Variants in TMEM132D observed in about 807,000 individuals in gnomAD.
TMEM132D encodes transmembrane protein 132D, also known as mature OL transmembrane protein.
Under a neutral mutation model 62.3 loss-of-function variants are expected in TMEM132D, and 21 were observed. That is an observed-to-expected ratio of 0.34 (90% confidence interval 0.24 to 0.49). TMEM132D has a LOEUF of 0.49. Ranked by LOEUF, TMEM132D falls within the 20% of genes least tolerant of loss-of-function variation. TMEM132D has a pLI of 0.99. For synonymous variants in TMEM132D, 621 were observed against 575.6 expected, an observed-to-expected ratio of 1.08 and a Z score of -1.13; for missense variants, 1,346 against 1,402.8, an observed-to-expected ratio of 0.96 and a Z score of 0.65.
intron 3 of TMEM132D, among the ~76,000 whole-genome samples, chr12:129,498,496 C>T (rs1255859060): frequency 6.6e-6 from 1 of 152,136 alleles, no homozygotes; most frequent in Non-Finnish European, 1.5e-5. Flanking sequence ...TCAAGTGATC[C>T]ACCCGCCTCA....
At chr12:129,241,094 A>T (rs1879924566) in intron 4 of TMEM132D, among the ~76,000 whole-genome samples, 1 of 146,416 alleles carries the variant, frequency 6.8e-6, no homozygotes, top group East Asian at 2.1e-4. Flanking sequence ...ATTCAATAAT[A>T]TGTTATTTAT....
At chr12:129,338,504 A>G (rs1436452693) in intron 3 of TMEM132D, among the ~76,000 whole-genome samples, 1 of 152,148 alleles carries the variant, frequency 6.6e-6, no homozygotes, top group Non-Finnish European at 1.5e-5. Flanking sequence ...TATTTAAGTA[A>G]TTAATTAGCT....
At chr12:129,816,319 C>T (rs1382156201) in intron 1 of TMEM132D, among the ~76,000 whole-genome samples, 1 of 152,138 alleles carries the variant, frequency 6.6e-6, no homozygotes, top group Non-Finnish European at 1.5e-5. Context: ...GTTAAAAGAG[C>T]TGTCATTTAT....
chr12:129,582,905 A>G (rs1877915580), intron 2 of TMEM132D, among the ~76,000 whole-genome samples: 2 of 150,762 alleles, frequency 1.3e-5, no homozygotes, highest in Non-Finnish European at 3.0e-5. Flanking sequence ...GATTATAGGC[A>G]TTAGCCACCA....
At chr12:129,853,543 AT>A (rs1288516604) in intron 1 of TMEM132D, 1 of 152,150 alleles carries the variant, frequency 6.6e-6, no homozygotes, top group Non-Finnish European at 1.5e-5. Flanking sequence ...ATAAACTAAA[AT>A]CATGTGAACC....
intron 3 of TMEM132D, among the ~76,000 whole-genome samples, chr12:129,495,688 G>T (rs557379279): frequency 5.3e-4 from 81 of 152,242 alleles, no homozygotes; most frequent in African/African-American, 1.9e-3. Flanking sequence ...GTGAGCAATG[G>T]GTATGTCACA....
At chr12:129,616,665 C>T (rs1878924669) in intron 2 of TMEM132D, among the ~76,000 whole-genome samples, 1 of 152,206 alleles carries the variant, frequency 6.6e-6, no homozygotes, top group African/African-American at 2.4e-5. Context: ...CTTCTCCTTG[C>T]TGCCGCCATG....
intron 6 of TMEM132D, among the ~76,000 whole-genome samples, chr12:129,083,314 C>T (rs144872393): frequency 7.5e-4 from 115 of 152,336 alleles, no homozygotes; most frequent in African/African-American, 2.5e-3. Context: ...GGCACCTTCT[C>T]GGTCTCCATC....
chr12:129,524,299 T>C (rs1875945904), intron 3 of TMEM132D, among the ~76,000 whole-genome samples: 1 of 152,182 alleles, frequency 6.6e-6, no homozygotes, highest in South Asian at 2.1e-4. Flanking sequence ...ATGCCATCTA[T>C]ACCTGTATTA....
intron 1 of TMEM132D, among the ~76,000 whole-genome samples, chr12:129,708,719 C>T (rs1267816654): frequency 6.6e-6 from 1 of 151,298 alleles, no homozygotes; most frequent in Non-Finnish European, 1.5e-5. Flanking sequence ...TAGTGTTAGT[C>T]CCCAATATTC....
Position 129,788,082 on chromosome 12 carries a change from C to T in TMEM132D, c.80-87384G>A, listed in dbSNP as rs181979264. ...AGGGATGTACACAAGCTTGAATATG[C>T]GGGAAACCAAGGCACTGAAATGGTG... On this transcript the variant is annotated intron_variant, in intron 1 of 8. Transcript: ENST00000422113. Among the ~76,000 whole-genome samples, 575 of 152,320 alleles carry T rather than the reference C, an allele frequency of 3.8e-3. 1 individual carries two copies. The highest frequency in any genetic ancestry group is 0.013 in the African/African-American group (555 of 41,564).
chr12:129,695,280 C>G (rs1593123389), intron 2 of TMEM132D, among the ~76,000 whole-genome samples: 1 of 152,148 alleles, frequency 6.6e-6, no homozygotes, highest in Admixed American at 6.5e-5. Flanking sequence ...GAAGTATGGA[C>G]TTTAGCTAAT....
In TMEM132D at chr12:129,209,868, A is replaced by G. The variant is rs1232282444; in HGVS notation, c.1300-205T>C. The G allele has an allele frequency of 6.2e-6, 4 of 642,470 alleles. No homozygotes were observed. In the African/African-American group the frequency reaches 7.3e-5, roughly 12 times the overall value. 39.8% of individuals were successfully genotyped at this position (642,470 alleles called of 1,614,324 possible). On this transcript the variant is annotated intron_variant, in intron 4 of 8. Transcript: ENST00000422113. ...TCCTCACCCAGATTTCCACAGGGCA[A>G]CTATGATGGGGAAGGGGTGGAGGAC... is the stretch of plus-strand genomic sequence containing the variant.
At chr12:129,168,519 A>G (rs985094391) in intron 5 of TMEM132D, among the ~76,000 whole-genome samples, 16 of 152,148 alleles carry the variant, frequency 1.1e-4, no homozygotes, top group African/African-American at 3.6e-4. Flanking sequence ...ATGGAGTTAT[A>G]TAAGACATGC....
At chr12:129,106,503 C>T (rs1169467182) in intron 5 of TMEM132D, among the ~76,000 whole-genome samples, 1 of 152,130 alleles carries the variant, frequency 6.6e-6, no homozygotes. Flanking sequence ...TATCTCTGTA[C>T]AAATGACTGA....
chr12:129,474,274 A>G (rs1874194192), intron 3 of TMEM132D, among the ~76,000 whole-genome samples: 1 of 152,130 alleles, frequency 6.6e-6, no homozygotes. Context: ...CTCCTAACAC[A>G]TTACATATTT....
intron 3 of TMEM132D, among the ~76,000 whole-genome samples, chr12:129,470,155 G>T (rs1402011422): frequency 2.0e-5 from 3 of 152,132 alleles, no homozygotes; most frequent in Admixed American, 2.0e-4. Context: ...ATAAAATGGG[G>T]TTCTAAATTT....
chr12:129,088,330 G>A (rs1255753527), intron 5 of TMEM132D, among the ~76,000 whole-genome samples: 1 of 33,262 alleles, frequency 3.0e-5, no homozygotes, highest in Non-Finnish European at 5.2e-5. Flanking sequence ...CCTGACCGGG[G>A]TGTCCTCTAT....
Position 129,432,877 on chromosome 12 carries a change from A to G in TMEM132D, c.1116-95060T>C, listed in dbSNP as rs929682598. ...AACAATGTTACAGATCAACACACATACCTCAAGCTGAACTCTGCCAGAAAC... is the reference window on the plus strand; with the variant it reads ...AACAATGTTACAGATCAACACACATGCCTCAAGCTGAACTCTGCCAGAAAC... On this transcript the variant is annotated intron_variant, in intron 3 of 8. Coordinates refer to ENST00000422113, the MANE Select transcript of TMEM132D (RefSeq NM_133448.3). Among the ~76,000 whole-genome samples, 35 of 152,200 alleles carry G rather than the reference A, an allele frequency of 2.3e-4. 1 individual carries two copies. The highest frequency in any genetic ancestry group is 7.5e-4 in the African/African-American group (31 of 41,456).
Sources: gnomAD v4.1 joint callset for allele counts (sites outside exome capture counted in the v4.1 genomes callset) on GRCh38, gnomAD v4.1.1 for gene constraint, MANE v1.5 for transcripts, NCBI Gene and HGNC (gene_info 2026-07-23, HGNC 2026-07-21) for gene names.